PUDP: variants seen among roughly 807,000 people sequenced by gnomAD.
The protein encoded by PUDP is pseudouridine-5'-phosphatase.
PUDP carries 8 observed loss-of-function variants against 9.4 expected under a neutral mutation model. That is an observed-to-expected ratio of 0.85 (90% CI 0.50 to 1.53). The LOEUF is 1.53. PUDP is among the 40% of genes most tolerant of loss of function. The probability of loss-of-function intolerance (pLI) is 0.00; values close to 1 mark genes in which losing one functional copy is unlikely to be tolerated. For synonymous variants in PUDP, 99 were observed against 80.7 expected, an observed-to-expected ratio of 1.23 and a Z score of -1.22; for missense variants, 188 against 189.7, an observed-to-expected ratio of 0.99 and a Z score of 0.05.
At chrX:6,922,986 G>T (rs1928047942) in intron 3 of PUDP, among the ~76,000 whole-genome samples, 1 of 111,559 alleles carries the variant, frequency 9.0e-6, no homozygotes, top group African/African-American at 3.3e-5. Context: ...TCTACCATTT[G>T]TCCTGAATCA....
intron 3 of PUDP, among the ~76,000 whole-genome samples, chrX:6,784,786 T>G (rs1569098115): frequency 1.8e-5 from 2 of 112,346 alleles, no homozygotes; most frequent in African/African-American, 6.5e-5. Flanking sequence ...GATCAATGAT[T>G]AATCTTCGCA....
intron 3 of PUDP, among the ~76,000 whole-genome samples, chrX:7,062,166 A>G (rs1930421953): frequency 8.9e-6 from 1 of 112,132 alleles, no homozygotes; most frequent in African/African-American, 3.2e-5. Flanking sequence ...CACCTACATA[A>G]AGTACTGTCT....
chrX:6,805,112 T>C (rs1926028570), intron 3 of PUDP, among the ~76,000 whole-genome samples: 1 of 109,033 alleles, frequency 9.2e-6, no homozygotes, highest in African/African-American at 3.4e-5. Flanking sequence ...ACAAAAAATA[T>C]CAAAAAAATT....
At chrX:6,971,486 G>A (rs1426549613) in intron 3 of PUDP, among the ~76,000 whole-genome samples, 5 of 104,149 alleles carry the variant, frequency 4.8e-5, no homozygotes, top group Non-Finnish European at 2.0e-5. Context: ...GCGCAATCTC[G>A]GCTCACTGCA....
chrX:7,133,330 A>T (rs1208745514), intron 1 of PUDP, among the ~76,000 whole-genome samples: 1 of 111,765 alleles, frequency 8.9e-6, no homozygotes, highest in Non-Finnish European at 1.9e-5. Context: ...CCATGAGCTC[A>T]GAAGAGGTTT....
chrX:6,987,754 C>T (rs769229799), intron 1 of PUDP, among the ~76,000 whole-genome samples: 1 of 111,653 alleles, frequency 9.0e-6, no homozygotes, highest in South Asian at 3.8e-4. Flanking sequence ...ACCATATGGC[C>T]CAAAAAGTGG....
At chrX:6,973,687 T>C (rs1161745911) in intron 3 of PUDP, among the ~76,000 whole-genome samples, 1 of 111,761 alleles carries the variant, frequency 8.9e-6, no homozygotes, top group East Asian at 2.8e-4. Context: ...TTCTGTTGAT[T>C]TGGGGTGGAG....
At chrX:6,826,648 T>C (rs149453619) in intron 3 of PUDP, among the ~76,000 whole-genome samples, 2 of 112,275 alleles carry the variant, frequency 1.8e-5, no homozygotes, top group Admixed American at 1.9e-4. Flanking sequence ...GAAGAAAATG[T>C]CAAGAACCTT....
chrX:7,061,855 G>A (rs368574692), intron 3 of PUDP, among the ~76,000 whole-genome samples: 1 of 111,432 alleles, frequency 9.0e-6, no homozygotes, highest in African/African-American at 3.3e-5. Context: ...ATGCTCCGTC[G>A]CTATCAGCTA....
chrX:6,729,336 G>C (rs1006267179), intron 3 of PUDP, among the ~76,000 whole-genome samples: 1 of 111,558 alleles, frequency 9.0e-6, no homozygotes, highest in African/African-American at 3.3e-5. Context: ...TCCCCACTTT[G>C]AGTTGTCCCG....
intron 3 of PUDP, among the ~76,000 whole-genome samples, chrX:6,747,877 T>C (rs1399744930): frequency 8.9e-6 from 1 of 112,208 alleles, no homozygotes; most frequent in Non-Finnish European, 1.9e-5. Flanking sequence ...CATCTTGAAG[T>C]CTGCAGAACT....
At position 6,927,097 on chromosome X, in the gene PUDP, T is replaced by C. The variant is rs773977585; in HGVS notation, c.*247+50036A>G. ...TGTGTGCCACCACACCTGGCTAATT[T>C]TTTTTTTTGAATTTTTATTAGAGAT... is the stretch of plus-strand genomic sequence containing the variant. On this transcript the variant is annotated intron_variant and NMD_transcript_variant, in intron 3 of 3. Transcript: ENST00000655425. Among the ~76,000 whole-genome samples, 4 of 108,860 alleles carry C rather than the reference T, an allele frequency of 3.7e-5. No individual in the cohort carries two copies. The South Asian group carries it at 1.6e-3, about 44-fold the overall frequency. 94.5% of individuals were successfully genotyped at this position (108,860 alleles called of 115,157 possible). A position where few individuals can be genotyped will look rare whatever the true frequency, so the allele number is the denominator to read the frequency against.
In PUDP at chrX:7,146,159, T is replaced by C. The variant is rs1426033881; in HGVS notation, c.61+1894A>G. On this transcript the variant is annotated intron_variant, in intron 1 of 3. Coordinates refer to ENST00000381077, the MANE Select transcript of PUDP (RefSeq NM_012080.5). ...GGGGGGGAATAAAAAGAAGCAGGGCTTATTTTTCCAAATAGCACTAATTCT... is the reference window on the plus strand; with the variant it reads ...GGGGGGGAATAAAAAGAAGCAGGGCCTATTTTTCCAAATAGCACTAATTCT... Among the ~76,000 whole-genome samples, 3 of 111,506 alleles carry C rather than the reference T, an allele frequency of 2.7e-5. No homozygotes were observed. In the South Asian group the frequency reaches 1.2e-3, roughly 43 times the overall value.
At chrX:6,807,747 G>A (rs1015585026) in intron 3 of PUDP, among the ~76,000 whole-genome samples, 4 of 112,072 alleles carry the variant, frequency 3.6e-5, no homozygotes, top group Non-Finnish European at 5.6e-5. Context: ...TCCCAAGGCC[G>A]GCTGTCACTA....
chrX:6,801,985 T>A lies in PUDP; in HGVS notation c.*248-95519A>T, dbSNP rs756138739. 5.4e-5 allele frequency among the ~76,000 whole-genome samples: 6 copies of A among 111,496 alleles called. No individual in the cohort carries two copies. In the South Asian group the frequency reaches 1.5e-3, roughly 28 times the overall value. On this transcript the variant is annotated intron_variant and NMD_transcript_variant, in intron 3 of 3. Coordinates refer to the PUDP transcript ENST00000655425. ...AACACTGAGTGTTACCAACGCAGTA[T>A]TTTTTTTCCCTTTTCCTGAGTTCCT...
At chrX:6,869,607 A>G (rs138248198) in intron 3 of PUDP, among the ~76,000 whole-genome samples, 53 of 111,427 alleles carry the variant, frequency 4.8e-4, no homozygotes, top group African/African-American at 1.6e-3. Flanking sequence ...GGCCTTTTAC[A>G]ATCCAGCCTT....
At chrX:7,038,085 T>A (rs1929876816) in intron 1 of PUDP, among the ~76,000 whole-genome samples, 1 of 111,456 alleles carries the variant, frequency 9.0e-6, no homozygotes, top group South Asian at 3.9e-4. Flanking sequence ...CCACATTCAA[T>A]TCTAAGCTAT....
upstream of PUDP, among the ~76,000 whole-genome samples, chrX:6,725,813 A>G (rs1924731988): frequency 8.9e-6 from 1 of 112,086 alleles, no homozygotes; most frequent in Admixed American, 9.5e-5. Context: ...TACACTGTTA[A>G]TGGGAGTGTA....
At chrX:6,941,335 TTCTG>T (rs1452345703) in intron 3 of PUDP, among the ~76,000 whole-genome samples, 5 of 100,511 alleles carry the variant, frequency 5.0e-5, no homozygotes, top group Admixed American at 2.3e-4. Context: ...TCTTTTTCTT[TTCTG>T]TCTTTTTTTT....
Sources: gnomAD v4.1 joint callset for allele counts (sites outside exome capture counted in the v4.1 genomes callset) on GRCh38, gnomAD v4.1.1 for gene constraint, MANE v1.5 for transcripts, NCBI Gene and HGNC (gene_info 2026-07-23, HGNC 2026-07-21) for gene names.